The following PDS5A variants were observed in gnomAD, a reference collection of about 807,000 sequenced individuals.
PDS5A encodes sister chromatid cohesion protein PDS5 homolog A.
Under a neutral mutation model 167.1 loss-of-function variants are expected in PDS5A, and 42 were observed. The ratio of observed to expected loss-of-function variants is 0.25; its 90% confidence interval spans 0.20 to 0.33. The LOEUF (loss-of-function observed/expected upper bound fraction) is 0.33. Among genes scored for constraint, PDS5A ranks in the 10% least tolerant of loss-of-function variants. The pLI is 1.00. For synonymous variants in PDS5A, 553 were observed against 554.6 expected (o/e 1.00, Z 0.04); for missense variants, 1,033 against 1,605.9 (o/e 0.64, Z 6.10).
chr4:39,903,670 G>A (rs1426455207), intron 12 of PDS5A, among the ~76,000 whole-genome samples: 2 of 152,120 alleles, frequency 1.3e-5, no homozygotes, highest in Non-Finnish European at 2.9e-5. Context: ...TGATAATCCT[G>A]TGGGAAAGGC....
At chr4:39,922,365 ATTAT>A (rs1725063015) in intron 6 of PDS5A, among the ~76,000 whole-genome samples, 1 of 152,212 alleles carries the variant, frequency 6.6e-6, no homozygotes, top group Non-Finnish European at 1.5e-5. Context: ...CAATTCTCAG[ATTAT>A]TTGTGTGAAT....
intron 13 of PDS5A, among the ~76,000 whole-genome samples, chr4:39,900,957 C>A (rs1012469769): frequency 1.3e-5 from 2 of 152,148 alleles, no homozygotes; most frequent in African/African-American, 4.8e-5. Context: ...ACATGAAGCA[C>A]TATAGACTAT....
intron 17 of PDS5A, among the ~76,000 whole-genome samples, chr4:39,887,299 T>C (rs1721557815): frequency 6.6e-6 from 1 of 152,232 alleles, no homozygotes; most frequent in Non-Finnish European, 1.5e-5. Context: ...ATACCTATTT[T>C]GTTGAGGGTA....
intron 22 of PDS5A, among the ~76,000 whole-genome samples, chr4:39,867,765 CACACACA>C (rs770028606): frequency 0.028 from 4,240 of 149,826 alleles, 99 homozygotes; most frequent in East Asian, 0.13. Flanking sequence ...CACACACACA[CACACACA>C]CACCCCACAA....
intron 2 of PDS5A, among the ~76,000 whole-genome samples, chr4:39,935,178 C>A (rs1726477702): frequency 6.6e-6 from 1 of 152,222 alleles, no homozygotes; most frequent in Admixed American, 6.5e-5. Flanking sequence ...GTTGCCTAGG[C>A]TGGAGTGCAG....
chr4:39,827,811 A>T (rs758419907), intron 32 of PDS5A, among the ~76,000 whole-genome samples: 30 of 152,202 alleles, frequency 2.0e-4, no homozygotes, highest in Admixed American at 2.6e-4. Context: ...AATTCCCCAG[A>T]AGTCACAAAT....
intron 7 of PDS5A, 51 bp from the exon 8 acceptor site, chr4:39,917,239 A>T: frequency 8.3e-7 from 1 of 1,202,042 alleles, no homozygotes; most frequent in Non-Finnish European, 1.2e-6. Context: ...ATTTAAAAAC[A>T]TGGATACATT....
chr4:39,835,648 G>A (rs777460764), intron 32 of PDS5A, among the ~76,000 whole-genome samples: 2 of 152,068 alleles, frequency 1.3e-5, no homozygotes, highest in Non-Finnish European at 2.9e-5. Context: ...TCAGTCTCGC[G>A]AGTAGCTGGC....
chr4:39,840,088 T>G (rs1454507432), intron 31 of PDS5A, among the ~76,000 whole-genome samples: 1 of 150,330 alleles, frequency 6.7e-6, no homozygotes, highest in Non-Finnish European at 1.5e-5. Context: ...AGACTCCGTC[T>G]CAAAAAACAA....
chr4:39,842,713 T>A (rs1717136787), intron 30 of PDS5A, among the ~76,000 whole-genome samples: 1 of 151,702 alleles, frequency 6.6e-6, no homozygotes, highest in African/African-American at 2.4e-5. Context: ...ATACATGCTA[T>A]GCATATACCA....
At chr4:39,914,395 C>T (rs897528763) in intron 8 of PDS5A, among the ~76,000 whole-genome samples, 10 of 151,884 alleles carry the variant, frequency 6.6e-5, no homozygotes, top group African/African-American at 1.2e-4. Flanking sequence ...CTCCTGATCT[C>T]GTGACCCAAC....
At chr4:39,941,405 A>C (rs191923791) in intron 2 of PDS5A, among the ~76,000 whole-genome samples, 25 of 152,360 alleles carry the variant, frequency 1.6e-4, no homozygotes, top group Middle Eastern at 3.4e-3. Context: ...TTAAAATGGC[A>C]GTTTACTCAC....
intron 2 of PDS5A, among the ~76,000 whole-genome samples, chr4:39,966,357 T>C (rs891840749): frequency 6.6e-6 from 1 of 152,222 alleles, no homozygotes; most frequent in African/African-American, 2.4e-5. Context: ...ATGGCCGTCC[T>C]GCCCTTAATC....
chr4:39,910,178 C>A lies in PDS5A; in HGVS notation c.1087+66G>T. 3.8e-6 allele frequency: 3 copies of A among 799,738 alleles called. No individual in the cohort carries two copies. The South Asian group carries it at 5.0e-5, about 13-fold the overall frequency. 49.5% of individuals were successfully genotyped at this position (799,738 alleles called of 1,614,324 possible). On this transcript the variant is annotated intron_variant, in intron 10 of 32. Coordinates refer to ENST00000303538, the MANE Select transcript of PDS5A (RefSeq NM_001100399.2). Reference sequence around the variant, plus strand: ...ACCTACTTGGAAAGTGAAGTTAGGTCACAAGTCATATCTACAATATAGTTG... The same window carrying A: ...ACCTACTTGGAAAGTGAAGTTAGGTAACAAGTCATATCTACAATATAGTTG...
At chr4:39,910,405 C>T in intron 9 of PDS5A, 67 bp from the exon 10 acceptor site, 1 of 794,552 alleles carries the variant, frequency 1.3e-6, no homozygotes, top group Non-Finnish European at 2.1e-6. Flanking sequence ...TCAGGTATAT[C>T]TAACATGAAA....
At chr4:39,883,866 G>A (rs1721175896) in intron 17 of PDS5A, among the ~76,000 whole-genome samples, 1 of 151,650 alleles carries the variant, frequency 6.6e-6, no homozygotes, top group African/African-American at 2.4e-5. Context: ...CTGGACTCAA[G>A]TGATCCACCC....
intron 4 of PDS5A, among the ~76,000 whole-genome samples, chr4:39,926,538 A>G (rs1386785244): frequency 6.6e-6 from 1 of 151,630 alleles, no homozygotes; most frequent in Non-Finnish European, 1.5e-5. Context: ...AAAAGAAAGA[A>G]ATAGATACAA....
In PDS5A at chr4:39,848,905, T is replaced by G; in HGVS notation, c.3285A>C (p.Ala1095=). The G allele has an allele frequency of 1.2e-6, 2 of 1,604,884 alleles. No homozygotes were observed. Among genetic ancestry groups the G allele is most frequent in the Non-Finnish European group, 1.7e-6 (2 of 1,173,338 alleles). ...GGAGGACTGGGTCCTTTGGTGAATC[T>G]GCATTGCACAAAGCACTTTTACTAT... is the stretch of plus-strand genomic sequence containing the variant. ...VINSKSALCN[A]DSPKDPVLPM... The change falls in exon 28 of 33, where the codon GCA becomes GCC. Residue 1095 remains alanine, a synonymous_variant. Coordinates refer to ENST00000303538, the MANE Select transcript of PDS5A (RefSeq NM_001100399.2).
In PDS5A at chr4:39,976,520, C is replaced by G. The variant is rs752196772; in HGVS notation, c.58G>C (p.Asp20His). 10 of 1,613,404 alleles carry G rather than the reference C, an allele frequency of 6.2e-6. No homozygotes were observed. Among genetic ancestry groups the G allele is most frequent in the Non-Finnish European group, 7.6e-6 (9 of 1,179,440 alleles). ...ATALCGVVSA[D>H]GKIAYPPGVK... ...CCCGGAGGGTAAGCGATCTTCCCGTCGGCACTCACGACGCCACAGAGGGCA... is the reference window on the plus strand; with the variant it reads ...CCCGGAGGGTAAGCGATCTTCCCGTGGGCACTCACGACGCCACAGAGGGCA... Residue 20 changes from aspartate (D) to histidine (H), a missense_variant, in exon 2 of 33, where the codon GAC (aspartate) becomes CAC (histidine). Asp to His is a moderately conservative substitution (Grantham distance 81, BLOSUM62 -1). This residue lies in a region of PDS5A where 388 missense variants were observed against 615.1 expected (regional missense o/e 0.63). Coordinates refer to ENST00000303538, the MANE Select transcript of PDS5A (RefSeq NM_001100399.2).
Sources: gnomAD v4.1 joint callset for allele counts (sites outside exome capture counted in the v4.1 genomes callset) on GRCh38, gnomAD v4.1.1 for gene constraint, gnomAD v4.1.1 regional missense constraint, MANE v1.5 for transcripts, NCBI Gene and HGNC (gene_info 2026-07-23, HGNC 2026-07-21) for gene names.